The following DPH6 variants were observed in gnomAD, a reference collection of about 807,000 sequenced individuals.
DPH6 encodes the protein diphthine--ammonia ligase.
Under a neutral mutation model 38.2 loss-of-function variants are expected in DPH6, and 33 were observed. The observed-to-expected ratio is 0.86, with a 90% CI of 0.65 to 1.15. The LOEUF is 1.15. Among genes scored for constraint, DPH6 ranks in the 50% most tolerant of loss-of-function variants. The pLI, the probability that DPH6 is intolerant of heterozygous loss-of-function variation, is 0.00. For missense variants in DPH6, 325 were observed against 320.0 expected (o/e 1.02, Z -0.12); for synonymous variants, 108 against 103.0 (o/e 1.05, Z -0.30).
At chr15:35,471,184 T>G (rs185919812) in intron 3 of DPH6, among the ~76,000 whole-genome samples, 4 of 152,256 alleles carry the variant, frequency 2.6e-5, no homozygotes, top group Admixed American at 6.5e-5. Context: ...ATTTCTCCCT[T>G]ACCCTTCTGT....
At chr15:35,480,203 A>T (rs1033940911) in intron 3 of DPH6, among the ~76,000 whole-genome samples, 6 of 152,126 alleles carry the variant, frequency 3.9e-5, no homozygotes, top group African/African-American at 1.2e-4. Context: ...GGTTTGAGAC[A>T]CAAGAAAACT....
At chr15:35,452,864 T>C (rs2053953360) in intron 4 of DPH6, among the ~76,000 whole-genome samples, 1 of 152,186 alleles carries the variant, frequency 6.6e-6, no homozygotes, top group African/African-American at 2.4e-5. Flanking sequence ...AGAACTTAAA[T>C]AGGTTAAAAA....
intron 3 of DPH6, among the ~76,000 whole-genome samples, chr15:35,320,452 C>A (rs138597498): frequency 0.013 from 1,939 of 152,236 alleles, 63 homozygotes; most frequent in Admixed American, 0.067. Context: ...ATCAAAGGCT[C>A]CTTTGGGAAT....
intron 6 of DPH6, chr15:35,400,556 T>G: frequency 3.2e-6 from 1 of 313,112 alleles, no homozygotes; most frequent in Non-Finnish European, 6.0e-6. Flanking sequence ...TGGAAGGCTG[T>G]TTCTGTGTCA....
At chr15:35,445,555 A>G (rs547016136) in intron 5 of DPH6, among the ~76,000 whole-genome samples, 12 of 152,268 alleles carry the variant, frequency 7.9e-5, no homozygotes, top group Non-Finnish European at 1.2e-4. Flanking sequence ...TGAACCATGT[A>G]GCCTAGAAAT....
chr15:35,257,772 T>TTG (rs60955022), intron 3 of DPH6, among the ~76,000 whole-genome samples: 15,165 of 148,664 alleles, frequency 0.1, 1,657 homozygotes, highest in African/African-American at 0.28. Context: ...GGTCTCAGCT[T>TTG]TGTGTGTGTG....
intron 5 of DPH6, among the ~76,000 whole-genome samples, chr15:35,418,770 A>G (rs1259750501): frequency 1.3e-5 from 2 of 152,136 alleles, no homozygotes; most frequent in Middle Eastern, 3.4e-3. Context: ...AATTATATCA[A>G]TTTATTATCT....
chr15:35,354,787 T>C (rs2052545275), intron 3 of DPH6, among the ~76,000 whole-genome samples: 2 of 152,174 alleles, frequency 1.3e-5, no homozygotes, highest in Non-Finnish European at 1.5e-5. Flanking sequence ...AGGATGATGC[T>C]GGCCTCATAA....
intron 3 of DPH6, among the ~76,000 whole-genome samples, chr15:35,309,059 A>G (rs2140819900): frequency 6.6e-6 from 1 of 152,348 alleles, no homozygotes; most frequent in East Asian, 1.9e-4. Flanking sequence ...TATACTTCAC[A>G]GAGGGAGGAG....
At chr15:35,407,542 G>C (rs1229965997) in intron 6 of DPH6, among the ~76,000 whole-genome samples, 1 of 152,050 alleles carries the variant, frequency 6.6e-6, no homozygotes, top group East Asian at 1.9e-4. Flanking sequence ...AATGGTACAG[G>C]GTAGGTAATA....
At chr15:35,518,020 T>C (rs2054871379) in intron 3 of DPH6, among the ~76,000 whole-genome samples, 1 of 152,104 alleles carries the variant, frequency 6.6e-6, no homozygotes, top group South Asian at 2.1e-4. Flanking sequence ...ACTTTACTAT[T>C]AGATGGCTTC....
intron 3 of DPH6, among the ~76,000 whole-genome samples, chr15:35,314,820 C>G (rs576628754): frequency 1.3e-5 from 2 of 152,168 alleles, no homozygotes; most frequent in East Asian, 3.9e-4. Context: ...CAACAATGAA[C>G]CATTTCTTGA....
rs548075714 is a variant in DPH6 at position 35,438,427 on chromosome 15, G to A, written c.505+12258C>T. Among the ~76,000 whole-genome samples the A allele has an allele frequency of 9.2e-5, 14 of 152,250 alleles. No individual in the cohort carries two copies. In the South Asian group the frequency reaches 1.7e-3, roughly 18 times the overall value. On this transcript the variant is annotated intron_variant, in intron 5 of 8. Coordinates refer to ENST00000256538, the MANE Select transcript of DPH6 (RefSeq NM_080650.4). ...GGATTCCATTTTGGGAGAAGCCTCC[G>A]TTTTCCTCGTGGAGCCCCAGGAATT...
intron 6 of DPH6, among the ~76,000 whole-genome samples, chr15:35,388,840 C>T (rs976692353): frequency 8.5e-5 from 13 of 152,106 alleles, no homozygotes; most frequent in African/African-American, 3.1e-4. Context: ...TCTCTATTTC[C>T]TTCAGTTCTG....
rs370941915 is a variant in DPH6 at position 35,242,106 on chromosome 15, G to A, written n.201-21524C>T. 3.5e-3 allele frequency among the ~76,000 whole-genome samples: 504 copies of A among 144,494 alleles called. 22 individuals are homozygous for A. Among genetic ancestry groups the A allele is most frequent in the African/African-American group, 0.012 (482 of 39,782 alleles). 94.8% of individuals were successfully genotyped at this position (144,494 alleles called of 152,430 possible). A position where few individuals can be genotyped will look rare whatever the true frequency, so the allele number is the denominator to read the frequency against. ...CTTGGACTGACCCTGACACCCATCA[G>A]GCTCAGCAAATTACCTGGGCTGTAC... On this transcript the variant is annotated intron_variant and non_coding_transcript_variant, in intron 3 of 3. Transcript: ENST00000560386.
At position 35,453,212 on chromosome 15, in the gene DPH6, G is replaced by A. The variant is rs191214076; in HGVS notation, c.386+1535C>T. Among the ~76,000 whole-genome samples the A allele has an allele frequency of 1.2e-3, 187 of 152,236 alleles. 2 individuals carry two copies. The highest frequency in any genetic ancestry group is 0.011 in the Admixed American group (162 of 15,290). On this transcript the variant is annotated intron_variant, in intron 4 of 8. Transcript: ENST00000256538. ...ATAACGTCTGTTCATCTGTTCAACC[G>A]TGTGTTGAAGTGTACCAGTGATTGT...
intron 3 of DPH6, among the ~76,000 whole-genome samples, chr15:35,292,908 C>T (rs1310580139): frequency 6.6e-6 from 1 of 152,038 alleles, no homozygotes; most frequent in Non-Finnish European, 1.5e-5. Context: ...ATTTTGCCTC[C>T]TAAAAACTTA....
intron 3 of DPH6, among the ~76,000 whole-genome samples, chr15:35,307,542 TTAAC>T (rs2052102204): frequency 6.6e-6 from 1 of 152,076 alleles, no homozygotes; most frequent in South Asian, 2.1e-4. Flanking sequence ...TATCGTTGGG[TTAAC>T]TAACAAAATT....
rs988682422 is a variant in DPH6, at chr15:35,371,209, A to G, written c.*941T>C. 3 of 151,792 alleles carry G rather than the reference A, an allele frequency of 2.0e-5. No individual in the cohort carries two copies. Among genetic ancestry groups the G allele is most frequent in the Non-Finnish European group, 2.9e-5 (2 of 67,808 alleles). 9.4% of individuals were successfully genotyped at this position (151,792 alleles called of 1,614,324 possible). A position where few individuals can be genotyped will look rare whatever the true frequency, so the allele number is the denominator to read the frequency against. On this transcript the variant is annotated 3_prime_UTR_variant, in exon 9 of 9. Coordinates refer to ENST00000256538, the MANE Select transcript of DPH6 (RefSeq NM_080650.4). ...GCTAAGGGTTAAAGGAGAGGGAGGGATGAATAAGTAAAACACAGAGGATTT... is the reference window on the plus strand; with the variant it reads ...GCTAAGGGTTAAAGGAGAGGGAGGGGTGAATAAGTAAAACACAGAGGATTT...
Sources: allele counts gnomAD v4.1 joint callset (sites outside exome capture counted in the v4.1 genomes callset), GRCh38; gene constraint gnomAD v4.1.1; transcripts MANE v1.5; gene names NCBI Gene and HGNC (gene_info 2026-07-23, HGNC 2026-07-21).